RELL1: variants seen among roughly 807,000 people sequenced by gnomAD.
The protein encoded by RELL1 is RELT-like protein 1.
RELL1 carries 10 observed loss-of-function variants against 23.0 expected under a neutral mutation model. The observed-to-expected ratio is 0.43, with a 90% confidence interval of 0.27 to 0.74. RELL1 has a LOEUF of 0.74. Among genes scored for constraint, RELL1 ranks in the 30% least tolerant of loss-of-function variants. The pLI is 0.19. For synonymous variants in RELL1, 146 were observed against 146.8 expected (o/e 0.99, Z 0.04); for missense variants, 315 against 364.4 (o/e 0.86, Z 1.10).
At chr4:37,669,811 T>G (rs1721759925) in intron 1 of RELL1, among the ~76,000 whole-genome samples, 1 of 152,026 alleles carries the variant, frequency 6.6e-6, no homozygotes, top group Non-Finnish European at 1.5e-5. Flanking sequence ...GTGCAAGATG[T>G]GCTTTGTTAA....
chr4:37,604,558 C>T (rs1265780270), intron 6 of RELL1, among the ~76,000 whole-genome samples: 1 of 151,960 alleles, frequency 6.6e-6, no homozygotes, highest in African/African-American at 2.4e-5. Context: ...TGAGGTACCA[C>T]ACAGAGTGAA....
chr4:37,648,715 A>G (rs1229407576), intron 2 of RELL1, among the ~76,000 whole-genome samples: 2 of 152,222 alleles, frequency 1.3e-5, no homozygotes, highest in Non-Finnish European at 2.9e-5. Flanking sequence ...ACGATCGTTT[A>G]CTTAATAAAC....
At chr4:37,639,207 A>AC (rs1190809012) in intron 3 of RELL1, among the ~76,000 whole-genome samples, 10 of 151,984 alleles carry the variant, frequency 6.6e-5, no homozygotes, top group Non-Finnish European at 1.5e-4. Flanking sequence ...ACACGGTGAA[A>AC]CCCCATCTGT....
intron 1 of RELL1, among the ~76,000 whole-genome samples, chr4:37,664,836 C>A (rs1249753057): frequency 6.6e-6 from 1 of 152,024 alleles, no homozygotes; most frequent in Non-Finnish European, 1.5e-5. Flanking sequence ...GCAGAAGAAC[C>A]AAAGCTTAGG....
intron 6 of RELL1, among the ~76,000 whole-genome samples, chr4:37,602,587 G>C (rs955752991): frequency 6.6e-6 from 1 of 152,024 alleles, no homozygotes; most frequent in Non-Finnish European, 1.5e-5. Flanking sequence ...GGGGATGGAC[G>C]CATGTAGACC....
rs182213340 is a variant in RELL1, at chr4:37,646,748, G to C, written c.385+620C>G. Among the ~76,000 whole-genome samples, 205 of 151,830 alleles carry C rather than the reference G, an allele frequency of 1.4e-3. 1 individual carries two copies. The highest frequency in any genetic ancestry group is 4.7e-3 in the African/African-American group (195 of 41,386). On this transcript the variant is annotated intron_variant, in intron 3 of 6. Transcript: ENST00000454158. Reference sequence around the variant, plus strand: ...ATTGTTTCTTATTATTTCTTTTTTTGACAGAGTCTCGCTCTGTTACCCATG... The same window carrying C: ...ATTGTTTCTTATTATTTCTTTTTTTCACAGAGTCTCGCTCTGTTACCCATG...
intron 6 of RELL1, chr4:37,591,799 G>A (rs535719494): frequency 7.9e-5 from 12 of 152,348 alleles, no homozygotes; most frequent in Admixed American, 6.5e-4. Flanking sequence ...GCCATTAAAT[G>A]TCTGATTCCA....
intron 3 of RELL1, 74 bp downstream of exon 3, chr4:37,647,294 C>A: frequency 1.0e-6 from 1 of 995,734 alleles, no homozygotes; most frequent in East Asian, 2.4e-5. Flanking sequence ...CTATATAAAT[C>A]TTGACTCTTC....
intron 6 of RELL1, among the ~76,000 whole-genome samples, chr4:37,604,920 GAC>G (rs1491085547): frequency 2.3e-4 from 25 of 108,226 alleles, no homozygotes; most frequent in African/African-American, 9.5e-4. Context: ...CACACACACA[GAC>G]ACACACACAC....
chr4:37,619,462 T>G (rs1719695619), intron 6 of RELL1, among the ~76,000 whole-genome samples: 1 of 152,216 alleles, frequency 6.6e-6, no homozygotes, highest in Non-Finnish European at 1.5e-5. Flanking sequence ...ATTACAGGCG[T>G]GAGCCACCGC....
At chr4:37,633,714 G>A (rs539565985) in intron 5 of RELL1, among the ~76,000 whole-genome samples, 12 of 152,280 alleles carry the variant, frequency 7.9e-5, no homozygotes, top group South Asian at 2.1e-4. Flanking sequence ...CATTTCTTGA[G>A]TGCGTAAGTA....
chr4:37,591,002 G>A, exon 7 of RELL1: 1 of 1,601,228 alleles, frequency 6.2e-7, no homozygotes, highest in Non-Finnish European at 8.5e-7. Flanking sequence ...ACTGATTAGG[G>A]GAGGGGATTT....
intron 1 of RELL1, among the ~76,000 whole-genome samples, 197 bp from the exon 2 acceptor site, chr4:37,649,697 T>C (rs1049987034): frequency 9.2e-5 from 14 of 152,258 alleles, no homozygotes; most frequent in African/African-American, 3.4e-4. Context: ...CTGCTACTCA[T>C]GAACCAGGTC....
intron 1 of RELL1, among the ~76,000 whole-genome samples, chr4:37,681,073 C>CA (rs1722204007): frequency 6.6e-6 from 1 of 152,010 alleles, no homozygotes; most frequent in African/African-American, 2.4e-5. Context: ...GGAAATTTTC[C>CA]AAAAATACCT....
chr4:37,598,304 A>G (rs1157495291), intron 6 of RELL1, among the ~76,000 whole-genome samples: 1 of 146,676 alleles, frequency 6.8e-6, no homozygotes, highest in Non-Finnish European at 1.5e-5. Context: ...AAGAAAATAT[A>G]TAGAGAAAAA....
chr4:37,608,749 G>A (rs1719296314), downstream of RELL1, among the ~76,000 whole-genome samples: 1 of 151,214 alleles, frequency 6.6e-6, no homozygotes, highest in South Asian at 2.1e-4. Flanking sequence ...TTCTACTGCA[G>A]CCTCCTGAGT....
At chr4:37,624,575 C>T (rs184137162) in intron 6 of RELL1, among the ~76,000 whole-genome samples, 149 of 151,978 alleles carry the variant, frequency 9.8e-4, no homozygotes, top group Middle Eastern at 3.4e-3. Flanking sequence ...AGGCACCCGC[C>T]ACCACGCCCG....
intron 6 of RELL1, among the ~76,000 whole-genome samples, chr4:37,600,775 T>TTGTG (rs1164247377): frequency 2.4e-4 from 13 of 54,734 alleles, no homozygotes; most frequent in African/African-American, 1.1e-3. Context: ...TAGTATGGAT[T>TTGTG]TGTGCGTGTG....
At chr4:37,678,496 C>T (rs184399181) in intron 1 of RELL1, among the ~76,000 whole-genome samples, 4 of 152,332 alleles carry the variant, frequency 2.6e-5, no homozygotes, top group Admixed American at 1.3e-4. Flanking sequence ...CCTACTCCTT[C>T]GGGCACTGCC....
Sources: gnomAD v4.1 joint callset for allele counts (sites outside exome capture counted in the v4.1 genomes callset) on GRCh38, gnomAD v4.1.1 for gene constraint, MANE v1.5 for transcripts, NCBI Gene and HGNC (gene_info 2026-07-23, HGNC 2026-07-21) for gene names.